Variants in NAA50 observed in about 807,000 individuals in gnomAD.
The protein encoded by NAA50 is N-alpha-acetyltransferase 50.
A neutral mutation model predicts 20.7 loss-of-function variants in NAA50; 7 were observed. The ratio of observed to expected loss-of-function variants is 0.34; its 90% CI spans 0.19 to 0.63. The LOEUF is 0.63. NAA50 is among the 30% of genes least tolerant of loss of function. The probability of loss-of-function intolerance (pLI) is 0.75; values close to 1 mark genes in which losing one functional copy is unlikely to be tolerated. For missense variants in NAA50, 111 were observed against 199.1 expected (o/e 0.56, Z 2.66); for synonymous variants, 54 against 70.6 (o/e 0.77, Z 1.18).
intron 1 of NAA50, chr3:113,741,231 C>T: frequency 2.2e-6 from 1 of 448,034 alleles, no homozygotes; most frequent in Admixed American, 2.8e-5. Context: ...TGCTCCAGGT[C>T]CTCAGTACAC....
At position 113,728,513 on chromosome 3, in the gene NAA50, G is replaced by A. The variant is rs1708229593; in HGVS notation, c.9-4418C>T. 3.3e-5 allele frequency among the ~76,000 whole-genome samples: 5 copies of A among 152,314 alleles called. 1 individual carries two copies. The South Asian group carries it at 1.0e-3, about 32-fold the overall frequency. On this transcript the variant is annotated intron_variant, in intron 1 of 4. Coordinates refer to ENST00000240922, the MANE Select transcript of NAA50 (RefSeq NM_025146.4). ...CTTATCCTGTGGAAGGGCAAGAGATGCAGTCTAATAAAACATGAACAAAAC... is the reference window on the plus strand; with the variant it reads ...CTTATCCTGTGGAAGGGCAAGAGATACAGTCTAATAAAACATGAACAAAAC...
In NAA50 at chr3:113,721,772, C is replaced by G. The variant is rs1708138860; in HGVS notation, c.498G>C (p.Lys166Asn). 1.4e-5 allele frequency: 22 copies of G among 1,613,702 alleles called. No individual in the cohort carries two copies. The highest frequency in any genetic ancestry group is 1.9e-5 in the Non-Finnish European group (22 of 1,179,778). ...ATTTGTAATTTGTTCAGTTGTCTGTCTTTTGCACATCTGCATTCTGACCAG... is the reference window on the plus strand; with the variant it reads ...ATTTGTAATTTGTTCAGTTGTCTGTGTTTTGCACATCTGCATTCTGACCAG... The part of the protein sequence containing the change: ...VPSGQNADVQ[K>N]TDN Residue 166 changes from lysine (K) to asparagine (N), a missense_variant, in exon 5 of 5, where the codon AAG (lysine) becomes AAC (asparagine). By Grantham distance (94) the Lys-to-Asn change is moderately conservative. Transcript: ENST00000240922.
chr3:113,746,140 G>A lies in NAA50; in HGVS notation c.-191C>T. 1.6e-6 allele frequency: 1 copy of A among 616,644 alleles called. No homozygotes were observed. The highest frequency in any genetic ancestry group is 2.7e-6 in the Non-Finnish European group (1 of 374,790). The allele number at this position is 616,644 out of a possible 1,614,324, so 38.2% of individuals were successfully genotyped here. The stretch of plus-strand genomic sequence containing the variant: ...GCTTGAGTCTGGTGGGGGCGGGAGT[G>A]TCTCCCGCCGCCGCGCTTGTGCCGC... On this transcript the variant is annotated 5_prime_UTR_variant, in exon 1 of 5. Coordinates refer to ENST00000240922, the MANE Select transcript of NAA50 (RefSeq NM_025146.4).
rs1234546799 is a variant in NAA50 at position 113,719,861 on chromosome 3, T to C, written c.*1899A>G. 1 of 152,630 alleles carries C rather than the reference T, an allele frequency of 6.6e-6. No homozygotes were observed. The highest frequency in any genetic ancestry group is 2.4e-5 in the African/African-American group (1 of 41,462). The allele number at this position is 152,630 out of a possible 1,614,324, so 9.5% of individuals were successfully genotyped here. ...AAAACCATTTATATATCAAAGTCTA[T>C]TTTGATATCTGGGAAGTTTACAAAA... On this transcript the variant is annotated 3_prime_UTR_variant, in exon 5 of 5. Coordinates refer to ENST00000240922, the MANE Select transcript of NAA50 (RefSeq NM_025146.4).
chr3:113,727,378 A>T (rs1019243280), intron 1 of NAA50, among the ~76,000 whole-genome samples: 2 of 152,234 alleles, frequency 1.3e-5, no homozygotes, highest in Admixed American at 6.5e-5. Flanking sequence ...AAACTTTAGG[A>T]ATCATTTGTA....
intron 1 of NAA50, among the ~76,000 whole-genome samples, chr3:113,725,313 T>C (rs745425786): frequency 3.3e-5 from 5 of 152,216 alleles, no homozygotes; most frequent in Admixed American, 6.5e-5. Context: ...ATATTGTGTT[T>C]TGTAGAGAAA....
intron 1 of NAA50, among the ~76,000 whole-genome samples, chr3:113,726,151 CAT>C (rs1464465468): frequency 3.9e-5 from 6 of 152,084 alleles, no homozygotes; most frequent in Non-Finnish European, 8.8e-5. Flanking sequence ...AAAATCTGAA[CAT>C]AGTTTCTTAG....
In NAA50 at chr3:113,719,562, ATT is replaced by A. The variant is rs1318807315; in HGVS notation, c.*2196_*2197del. 1.3e-5 allele frequency: 2 copies of A among 152,564 alleles called. No individual in the cohort carries two copies. Among genetic ancestry groups the A allele is most frequent in the African/African-American group, 4.8e-5 (2 of 41,456 alleles). 9.5% of individuals were successfully genotyped at this position (152,564 alleles called of 1,614,324 possible). On this transcript the variant is annotated 3_prime_UTR_variant, in exon 5 of 5. Coordinates refer to ENST00000240922, the MANE Select transcript of NAA50 (RefSeq NM_025146.4). ...TCCTCCTCCATAAGTGGATGGAATT[ATT>A]TAACTAAGTTTGATGTAGGACAATT...
chr3:113,745,812 A>C (rs984538683), intron 1 of NAA50, 130 bp downstream of exon 1: 41 of 1,135,306 alleles, frequency 3.6e-5, no homozygotes, highest in Non-Finnish European at 4.8e-5. Flanking sequence ...GAGGGAACTG[A>C]GAAGCAGAGA....
chr3:113,730,170 G>A (rs892863256), intron 1 of NAA50, among the ~76,000 whole-genome samples: 9 of 152,138 alleles, frequency 5.9e-5, no homozygotes, highest in East Asian at 1.9e-4. Flanking sequence ...GTGTGGTGGC[G>A]CGTGCCTTTA....
In NAA50 at chr3:113,718,411, G is replaced by A. The variant is rs1439913582; in HGVS notation, c.*3349C>T. 1 of 152,176 alleles carries A rather than the reference G, an allele frequency of 6.6e-6. No individual in the cohort carries two copies. The highest frequency in any genetic ancestry group is 2.4e-5 in the African/African-American group (1 of 41,440). The allele number at this position is 152,176 out of a possible 1,614,324, so 9.4% of individuals were successfully genotyped here. On this transcript the variant is annotated 3_prime_UTR_variant, in exon 5 of 5. Transcript: ENST00000240922. ...GAACTGTGGAAGGTAATACTTGTTT[G>A]TTGTTTTAAACTACAGTAATAACTG...
intron 1 of NAA50, among the ~76,000 whole-genome samples, chr3:113,744,304 T>C (rs1012202851): frequency 2.6e-5 from 4 of 151,570 alleles, no homozygotes; most frequent in Admixed American, 2.0e-4. Context: ...CTCTACAAAA[T>C]ATACAAAAAA....
intron 1 of NAA50, among the ~76,000 whole-genome samples, chr3:113,727,623 AT>A (rs1376267706): frequency 1.3e-5 from 2 of 152,082 alleles, no homozygotes; most frequent in African/African-American, 4.8e-5. Context: ...AATTAAAAAA[AT>A]ACATGCCTTT....
rs1480364583 is a variant in NAA50 at position 113,746,048 on chromosome 3, G to C, written c.-99C>G. 1.1e-5 allele frequency: 16 copies of C among 1,506,676 alleles called. No homozygotes were observed. Among genetic ancestry groups the C allele is most frequent in the Non-Finnish European group, 1.3e-5 (14 of 1,115,374 alleles). The allele number at this position is 1,506,676 out of a possible 1,614,324, so 93.3% of individuals were successfully genotyped here. A position where few individuals can be genotyped will look rare whatever the true frequency, so the allele number is the denominator to read the frequency against. Reference sequence around the variant, plus strand: ...CCCTTAGCTCGGGCCACTCAACCCCGCAAGCCGGCCTCCTAGCCTGGGCAG... The same window carrying C: ...CCCTTAGCTCGGGCCACTCAACCCCCCAAGCCGGCCTCCTAGCCTGGGCAG... On this transcript the variant is annotated 5_prime_UTR_variant, in exon 1 of 5. Transcript: ENST00000240922.
chr3:113,718,234 C>T lies in NAA50; in HGVS notation c.*3526G>A, dbSNP rs1038947778. On this transcript the variant is annotated 3_prime_UTR_variant, in exon 5 of 5. Coordinates refer to ENST00000240922, the MANE Select transcript of NAA50 (RefSeq NM_025146.4). ...TACCCACACAGTGAGGAACAGAAGC[C>T]CAAGAGCCACGTAAGCAAGACATCT... 7 of 152,130 alleles carry T rather than the reference C, an allele frequency of 4.6e-5. No individual in the cohort carries two copies. The highest frequency in any genetic ancestry group is 1.4e-4 in the African/African-American group (6 of 41,404). 9.4% of individuals were successfully genotyped at this position (152,130 alleles called of 1,614,324 possible).
At chr3:113,730,607 T>C (rs1343999096) in intron 1 of NAA50, among the ~76,000 whole-genome samples, 1 of 152,236 alleles carries the variant, frequency 6.6e-6, no homozygotes, top group Non-Finnish European at 1.5e-5. Context: ...CCTTTAAAGT[T>C]CAACTCCCAA....
rs994225819 is a variant in NAA50, at chr3:113,721,791, T to C, written c.479A>G (p.Gln160Arg). ...LQKNLKVPSG[Q>R]NADVQKTDN ...GTCTGTCTTTTGCACATCTGCATTC[T>C]GACCAGAAGGAACTTTGAGGTTTTT... The change falls in exon 5 of 5, where the codon CAG (glutamine) becomes CGG (arginine). Residue 160 changes from glutamine (Q) to arginine (R), a missense_variant. By Grantham distance (43) the Gln-to-Arg change is conservative (BLOSUM62 1). Coordinates refer to ENST00000240922, the MANE Select transcript of NAA50 (RefSeq NM_025146.4). The C allele has an allele frequency of 6.2e-7, 1 of 1,613,856 alleles. No homozygotes were observed. The highest frequency in any genetic ancestry group is 8.5e-7 in the Non-Finnish European group (1 of 1,179,858).
chr3:113,721,369 A>G lies in NAA50; in HGVS notation c.*391T>C, dbSNP rs1708133331. 4.6e-6 allele frequency: 1 copy of G among 217,904 alleles called. No homozygotes were observed. Among genetic ancestry groups the G allele is most frequent in the Admixed American group, 5.7e-5 (1 of 17,618 alleles). 13.5% of individuals were successfully genotyped at this position (217,904 alleles called of 1,614,324 possible). A position where few individuals can be genotyped will look rare whatever the true frequency, so the allele number is the denominator to read the frequency against. On this transcript the variant is annotated 3_prime_UTR_variant, in exon 5 of 5. Transcript: ENST00000240922. ...ACTCAACTTGTCTATGAATTAGAGA[A>G]CAAGATACTGCTGCTGCTTCTTTTT... is the stretch of plus-strand genomic sequence containing the variant.
At chr3:113,738,817 G>C (rs1405308163) in intron 1 of NAA50, among the ~76,000 whole-genome samples, 2 of 152,142 alleles carry the variant, frequency 1.3e-5, no homozygotes. Context: ...TCTGGAAAAA[G>C]AAGTGTTTGA....
Sources: allele counts gnomAD v4.1 joint callset (sites outside exome capture counted in the v4.1 genomes callset), GRCh38; gene constraint gnomAD v4.1.1; transcripts MANE v1.5; gene names NCBI Gene and HGNC (gene_info 2026-07-23, HGNC 2026-07-21).